TJP2: variants seen among roughly 807,000 people sequenced by gnomAD.
TJP2 encodes Friedreich ataxia region gene X104 (tight junction protein ZO-2).
A neutral mutation model predicts 133.1 loss-of-function variants in TJP2; 91 were observed. That is an observed-to-expected ratio of 0.68 (90% CI 0.58 to 0.81). The LOEUF (loss-of-function observed/expected upper bound fraction) is 0.81. Among genes scored for constraint, TJP2 ranks in the 40% least tolerant of loss-of-function variants. TJP2 has a pLI of 0.00. For missense variants in TJP2, 1,541 were observed against 1,565.6 expected (o/e 0.98, Z 0.26); for synonymous variants, 592 against 583.4 (o/e 1.01, Z -0.21).
intron 5 of TJP2, 73 bp from the exon 6 acceptor site, chr9:69,225,231 A>T: frequency 2.1e-6 from 2 of 931,252 alleles, no homozygotes; most frequent in South Asian, 2.8e-5. Context: ...ATTTTAAAAT[A>T]GTCCTATAAA....
chr9:69,128,197 ATGT>A lies in TJP2; in HGVS notation c.-131+6477_-131+6479del, dbSNP rs796421461. Among the ~76,000 whole-genome samples, 19 of 77,396 alleles carry A rather than the reference ATGT, an allele frequency of 2.5e-4. 3 individuals carry two copies. The highest frequency in any genetic ancestry group is 1.1e-3 in the South Asian group (3 of 2,798). 50.8% of individuals were successfully genotyped at this position (77,396 alleles called of 152,430 possible). On this transcript the variant is annotated intron_variant, in intron 1 of 5. Coordinates refer to the TJP2 transcript ENST00000423935. ...TTCTGCTTTCTGGCTATTATGAATA[ATGT>A]TGTTATGAACACTCATGTACAAGTT...
At chr9:69,203,321 A>AAT (rs1827137315) in intron 1 of TJP2, among the ~76,000 whole-genome samples, 1 of 142,240 alleles carries the variant, frequency 7.0e-6, no homozygotes, top group African/African-American at 2.6e-5. Context: ...TAAATAATTT[A>AAT]TTATTATTTT....
At chr9:69,194,131 G>A (rs1245467321) in intron 1 of TJP2, among the ~76,000 whole-genome samples, 1 of 152,122 alleles carries the variant, frequency 6.6e-6, no homozygotes, top group Non-Finnish European at 1.5e-5. Flanking sequence ...TTTGTCATGT[G>A]CCTCTATAAG....
intron 1 of TJP2, among the ~76,000 whole-genome samples, chr9:69,184,735 T>TTCTC (rs756568029): frequency 6.6e-6 from 1 of 150,932 alleles, no homozygotes; most frequent in Admixed American, 6.7e-5. Context: ...TCAGACTGAT[T>TTCTC]TCTCTCTCTC....
intron 5 of TJP2, among the ~76,000 whole-genome samples, chr9:69,223,616 A>AT (rs1223677162): frequency 1.3e-5 from 2 of 151,854 alleles, no homozygotes; most frequent in Admixed American, 1.3e-4. Flanking sequence ...CAATGAGTGC[A>AT]TTTTTTAAGA....
intron 1 of TJP2, among the ~76,000 whole-genome samples, chr9:69,190,530 A>G (rs1029323420): frequency 1.1e-4 from 16 of 152,264 alleles, no homozygotes; most frequent in African/African-American, 3.9e-4. Flanking sequence ...AATTAAACAA[A>G]TACAAGGAAA....
intron 8 of TJP2, 40 bp from the exon 9 acceptor site, chr9:69,227,941 T>C: frequency 6.2e-7 from 1 of 1,614,110 alleles, no homozygotes. Flanking sequence ...TTTATGAAAC[T>C]GTTATCTCTT....
At position 69,216,366 on chromosome 9, in the gene TJP2, G is replaced by C. The variant is rs769217430; in HGVS notation, c.142G>C (p.Val48Leu). The change falls in exon 3 of 23, where the codon GTG (valine) becomes CTG (leucine). Residue 48 changes from valine to leucine, a missense_variant. Val to Leu is a conservative substitution (Grantham distance 32). Coordinates refer to ENST00000377245, the MANE Select transcript of TJP2 (RefSeq NM_004817.4). The stretch of plus-strand genomic sequence containing the variant: ...TTCCAAAAGAGGATTTGGAATTGCA[G>C]TGTCCGGAGGCAGAGACAACCCCCA... ...KDSKRGFGIA[V>L]SGGRDNPHFE... The C allele has an allele frequency of 4.3e-6, 7 of 1,614,108 alleles. No homozygotes were observed. The East Asian group carries it at 8.9e-5, about 21-fold the overall frequency.
In TJP2 at chr9:69,134,976, G is replaced by GGA. The variant is rs56216843; in HGVS notation, c.-131+13270_-131+13271dup. On this transcript the variant is annotated intron_variant, in intron 1 of 5. Coordinates refer to the TJP2 transcript ENST00000423935. Reference sequence around the variant, plus strand: ...AGAGAGAGAGAGAGAAGAGAGAAGAGGAGAGAGAGAGAGAGAGAGATCTGT... The same window carrying GGA: ...AGAGAGAGAGAGAGAAGAGAGAAGAGGAGAGAGAGAGAGAGAGAGAGATCTGT... 6.6e-4 allele frequency among the ~76,000 whole-genome samples: 99 copies of GGA among 148,894 alleles called. 1 individual carries two copies. The highest frequency in any genetic ancestry group is 4.8e-3 in the East Asian group (24 of 5,040).
At chr9:69,229,363 G>A (rs1279304227) in intron 10 of TJP2, 113 bp downstream of exon 10, 10 of 1,021,112 alleles carry the variant, frequency 9.8e-6, no homozygotes, top group Non-Finnish European at 1.6e-5. Context: ...TACACTGTCA[G>A]CCACCTGTAA....
rs533779739 is a variant in TJP2 at position 69,207,124 on chromosome 9, G to A, written c.61-5424G>A. On this transcript the variant is annotated intron_variant, in intron 1 of 22. Coordinates refer to ENST00000377245, the MANE Select transcript of TJP2 (RefSeq NM_004817.4). ...TTTTCTTTATATTTCCACTGCATGC[G>A]TGCGTACACACACACACGCCCCTAA... 4.6e-5 allele frequency among the ~76,000 whole-genome samples: 7 copies of A among 151,990 alleles called. No individual in the cohort carries two copies. The South Asian group carries it at 6.2e-4, about 14-fold the overall frequency.
chr9:69,190,457 A>C (rs1266528188), intron 1 of TJP2, among the ~76,000 whole-genome samples: 3 of 152,232 alleles, frequency 2.0e-5, no homozygotes, highest in African/African-American at 7.2e-5. Flanking sequence ...GCTACCAAGC[A>C]TAGTTGACTT....
At chr9:69,151,310 C>T (rs895917582) in intron 1 of TJP2, among the ~76,000 whole-genome samples, 2 of 151,974 alleles carry the variant, frequency 1.3e-5, no homozygotes, top group African/African-American at 4.8e-5. Context: ...GGAGAAACCC[C>T]GTCTCTACTA....
At chr9:69,184,730 C>G (rs1280833201) in intron 1 of TJP2, among the ~76,000 whole-genome samples, 5 of 150,470 alleles carry the variant, frequency 3.3e-5, no homozygotes, top group African/African-American at 1.2e-4. Context: ...GCAGTTCAGA[C>G]TGATTTCTCT....
rs544958315 is a variant in TJP2, at chr9:69,215,524, A to G, written c.115-815A>G. Among the ~76,000 whole-genome samples the G allele has an allele frequency of 3.9e-5, 6 of 152,032 alleles. No homozygotes were observed. In the East Asian group the frequency reaches 1.2e-3, roughly 29 times the overall value. On this transcript the variant is annotated intron_variant, in intron 2 of 22. Coordinates refer to ENST00000377245, the MANE Select transcript of TJP2 (RefSeq NM_004817.4). Reference sequence around the variant, plus strand: ...CTCAGCCTCCCAAGTATCTGGGACTATGGATGTGCACCACCATGACCAGCT... The same window carrying G: ...CTCAGCCTCCCAAGTATCTGGGACTGTGGATGTGCACCACCATGACCAGCT...
chr9:69,156,373 A>G (rs1375922344), intron 2 of TJP2, among the ~76,000 whole-genome samples: 2 of 152,134 alleles, frequency 1.3e-5, no homozygotes, highest in African/African-American at 4.8e-5. Flanking sequence ...AAAAAAAAGA[A>G]AAATTTAGAA....
chr9:69,239,836 A>G (rs199829605), intron 16 of TJP2, 101 bp from the exon 17 acceptor site: 39 of 992,342 alleles, frequency 3.9e-5, no homozygotes, highest in Non-Finnish European at 5.7e-5. Flanking sequence ...AAACAAACAA[A>G]CAAGATATAT....
At chr9:69,147,171 G>C (rs1823250095) in intron 1 of TJP2, among the ~76,000 whole-genome samples, 1 of 152,186 alleles carries the variant, frequency 6.6e-6, no homozygotes, top group African/African-American at 2.4e-5. Context: ...TCTCCAAGTA[G>C]CCTCTCGTGA....
At position 69,229,229 on chromosome 9, in the gene TJP2, C is replaced by T. The variant is rs147315517; in HGVS notation, c.1499C>T (p.Pro500Leu). The T allele has an allele frequency of 6.8e-6, 11 of 1,613,994 alleles. No individual in the cohort carries two copies. The African/African-American group carries it at 1.1e-4, about 16-fold the overall frequency. Residue 500 changes from proline to leucine, a missense_variant, in exon 10 of 23, where the codon CCT becomes CTT. Physicochemically the swap from Pro to Leu is moderately conservative, Grantham distance 98. Coordinates refer to ENST00000377245, the MANE Select transcript of TJP2 (RefSeq NM_004817.4). ...CCGAGAACTTTTCTTCGTCCTAGTC[C>T]TGAAGATGAAGCAATATATGGGTAT... is the stretch of plus-strand genomic sequence containing the variant. ...AAPRTFLRPS[P>L]EDEAIYGPNT...
Sources: gnomAD v4.1 joint callset for allele counts (sites outside exome capture counted in the v4.1 genomes callset) on GRCh38, gnomAD v4.1.1 for gene constraint, MANE v1.5 for transcripts, NCBI Gene and HGNC (gene_info 2026-07-23, HGNC 2026-07-21) for gene names.